CFAP46: variants seen among roughly 807,000 people sequenced by gnomAD.
CFAP46 encodes the protein cilia- and flagella-associated protein 46.
In CFAP46, 245 loss-of-function variants were observed where a neutral mutation model predicts 325.7. That is an observed-to-expected ratio of 0.75 (90% confidence interval 0.68 to 0.84). The LOEUF is 0.84. Ranked by LOEUF, CFAP46 falls within the 40% of genes least tolerant of loss-of-function variation. The pLI, the probability that CFAP46 is intolerant of heterozygous loss-of-function variation, is 0.00. For synonymous variants in CFAP46, 1,523 were observed against 1,495.9 expected, an observed-to-expected ratio of 1.02 and a Z score of -0.42; for missense variants, 3,346 against 3,543.0, an observed-to-expected ratio of 0.94 and a Z score of 1.41.
intron 29 of CFAP46, among the ~76,000 whole-genome samples, chr10:132,878,326 G>A (rs1053735107): frequency 2.6e-5 from 4 of 152,168 alleles, no homozygotes; most frequent in African/African-American, 4.8e-5. Flanking sequence ...TGCTGGCTCC[G>A]CGGGTGTCCC....
At position 132,937,697 on chromosome 10, in the gene CFAP46, C is replaced by T. The variant is rs757218738; in HGVS notation, c.537-22G>A. ...TTCCCTGGATAATAGAAACACACCA[C>T]TGGTCAACCTGGTTGAAACTGTTTT... On this transcript the variant is annotated intron_variant, in intron 5 of 57. Transcript: ENST00000368586. 16 of 1,581,196 alleles carry T rather than the reference C, an allele frequency of 1.0e-5. No individual in the cohort carries two copies. The South Asian group carries it at 1.6e-4, about 16-fold the overall frequency.
intron 38 of CFAP46, among the ~76,000 whole-genome samples, chr10:132,858,205 C>T (rs530074901): frequency 1.3e-5 from 2 of 152,244 alleles, no homozygotes; most frequent in African/African-American, 4.8e-5. Context: ...TGTCGAGACG[C>T]TTGCGTGTGG....
intron 31 of CFAP46, among the ~76,000 whole-genome samples, chr10:132,874,067 GA>G (rs1291138173): frequency 6.6e-6 from 1 of 152,164 alleles, no homozygotes; most frequent in African/African-American, 2.4e-5. Flanking sequence ...ATTTAAGGAT[GA>G]AATAACCACC....
chr10:132,917,062 C>T (rs543740286), intron 16 of CFAP46, among the ~76,000 whole-genome samples: 3 of 152,370 alleles, frequency 2.0e-5, no homozygotes, highest in South Asian at 2.1e-4. Flanking sequence ...CGCTGGCCTC[C>T]GGGGCGTGGA....
rs1307736866 is a variant in CFAP46 at position 132,889,217 on chromosome 10, C to T, written c.3304+3116G>A. Among the ~76,000 whole-genome samples the T allele has an allele frequency of 2.6e-5, 4 of 152,130 alleles. No homozygotes were observed. The highest frequency in any genetic ancestry group is 5.9e-5 in the Non-Finnish European group (4 of 68,034). ...CAGCAGGACCCGCCTCTGGTGCCAG[C>T]ACCTGGACCACCGAGGCTTACGTCA... On this transcript the variant is annotated intron_variant, in intron 25 of 57. Transcript: ENST00000368586. The surrounding 1 kb of genome is among the most constrained non-coding windows in gnomAD (Gnocchi z 6.0).
At chr10:132,907,740 C>T (rs1001723408) in intron 22 of CFAP46, among the ~76,000 whole-genome samples, 2 of 152,144 alleles carry the variant, frequency 1.3e-5, no homozygotes, top group African/African-American at 4.8e-5. Context: ...GTTGGGGTGG[C>T]CTTTGATGGC....
chr10:132,843,890 C>T lies in CFAP46; in HGVS notation c.6438+2167G>A, dbSNP rs147043054. Among the ~76,000 whole-genome samples, 829 of 129,636 alleles carry T rather than the reference C, an allele frequency of 6.4e-3. 18 individuals carry two copies. Among genetic ancestry groups the T allele is most frequent in the Non-Finnish European group, 0.01 (620 of 61,792 alleles). The allele number at this position is 129,636 out of a possible 152,430, so 85.0% of individuals were successfully genotyped here. On this transcript the variant is annotated intron_variant, in intron 44 of 57. Transcript: ENST00000368586. ...GGGCTCTGGTCTCGGTGGGTGTTCTCAGGGTGCTGTGGGGCTGCTCCTGGT... is the reference window on the plus strand; with the variant it reads ...GGGCTCTGGTCTCGGTGGGTGTTCTTAGGGTGCTGTGGGGCTGCTCCTGGT...
intron 5 of CFAP46, among the ~76,000 whole-genome samples, chr10:132,938,170 G>A (rs1181370643): frequency 1.3e-5 from 2 of 152,196 alleles, no homozygotes; most frequent in Non-Finnish European, 2.9e-5. Flanking sequence ...CAGCAAGGCC[G>A]GCCTGCCCTG....
intron 35 of CFAP46, among the ~76,000 whole-genome samples, chr10:132,864,171 C>CT (rs1848768381): frequency 1.4e-5 from 2 of 140,754 alleles, no homozygotes; most frequent in African/African-American, 2.7e-5. Context: ...ACACCTGTCC[C>CT]CAGTGCCTGA....
At chr10:132,826,111 G>C (rs71481959) in intron 50 of CFAP46, among the ~76,000 whole-genome samples, 1 of 58,370 alleles carries the variant, frequency 1.7e-5, no homozygotes, top group Non-Finnish European at 4.4e-5. Context: ...GACCAGCCAC[G>C]GAGCCAGGCA....
In CFAP46 at chr10:132,884,777, T is replaced by A. The variant is rs1449458116; in HGVS notation, c.3627+326A>T. On this transcript the variant is annotated intron_variant, in intron 27 of 57. Transcript: ENST00000368586. The surrounding 1 kb of genome is among the most constrained non-coding windows in gnomAD (Gnocchi z 5.4). Reference sequence around the variant, plus strand: ...GCTCTCCTCTGCAGCCACCCGCCCATCGGGGCCCTGGTGCCACCAGGGGAG... The same window carrying A: ...GCTCTCCTCTGCAGCCACCCGCCCAACGGGGCCCTGGTGCCACCAGGGGAG... 2.0e-5 allele frequency among the ~76,000 whole-genome samples: 3 copies of A among 151,876 alleles called. No homozygotes were observed. The highest frequency in any genetic ancestry group is 2.9e-5 in the Non-Finnish European group (2 of 67,908).
Position 132,869,390 on chromosome 10 carries a change from G to A in CFAP46, c.4512-18C>T, listed in dbSNP as rs1305762974. ...GGGCGAGGCTGTGGGGAGTGTGGCC[G>A]AAAGAGTCAGTGTTGCACGGGCGCA... is the stretch of plus-strand genomic sequence containing the variant. On this transcript the variant is annotated intron_variant, in intron 32 of 57. Coordinates refer to ENST00000368586, the MANE Select transcript of CFAP46 (RefSeq NM_001200049.3). The surrounding 1 kb of genome is among the most constrained non-coding windows in gnomAD (Gnocchi z 6.2). The A allele has an allele frequency of 1.1e-5, 16 of 1,511,850 alleles. No homozygotes were observed. The highest frequency in any genetic ancestry group is 5.0e-5 in the East Asian group (2 of 39,886). The allele number at this position is 1,511,850 out of a possible 1,614,324, so 93.7% of individuals were successfully genotyped here.
At chr10:132,851,826 C>T (rs999908348) in intron 39 of CFAP46, among the ~76,000 whole-genome samples, 11 of 138,976 alleles carry the variant, frequency 7.9e-5, no homozygotes, top group Admixed American at 3.8e-4. Flanking sequence ...AAGGTATCCA[C>T]AGATCCTGAT....
chr10:132,821,952 T>TGTGTGTGCTGTGTGTGTGCTG (rs1847850111), intron 50 of CFAP46, among the ~76,000 whole-genome samples: 3 of 103,202 alleles, frequency 2.9e-5, no homozygotes, highest in Non-Finnish European at 5.8e-5. Flanking sequence ...TGTGTGCGCT[T>TGTGTGTGCTGTGTGTGTGCTG]GTGTGTGCTG....
intron 39 of CFAP46, among the ~76,000 whole-genome samples, chr10:132,856,469 TC>T (rs1229570379): frequency 6.6e-6 from 1 of 152,252 alleles, no homozygotes; most frequent in African/African-American, 2.4e-5. Context: ...ACACCTATAT[TC>T]GTGCACTTAA....
At chr10:132,821,147 A>T (rs1179084676) in intron 50 of CFAP46, among the ~76,000 whole-genome samples, 309 of 27,426 alleles carry the variant, frequency 0.011, no homozygotes, top group Middle Eastern at 0.031. Flanking sequence ...GTGCTGTGTG[A>T]GTGCTGATGT....
intron 39 of CFAP46, among the ~76,000 whole-genome samples, chr10:132,855,455 G>A (rs1272851980): frequency 3.3e-5 from 5 of 152,046 alleles, no homozygotes; most frequent in Non-Finnish European, 5.9e-5. Context: ...CCATAGTTGG[G>A]TTTTGCTTTT....
chr10:132,816,695 G>A (rs983292513), intron 50 of CFAP46, among the ~76,000 whole-genome samples: 3 of 152,096 alleles, frequency 2.0e-5, no homozygotes, highest in Non-Finnish European at 4.4e-5. Flanking sequence ...CTATTCTGAC[G>A]TTGGCATTTA....
At chr10:132,935,548 C>T (rs199518532) in intron 7 of CFAP46, among the ~76,000 whole-genome samples, 240 of 128,860 alleles carry the variant, frequency 1.9e-3, no homozygotes, top group South Asian at 3.1e-3. Flanking sequence ...CCCCTCGGCA[C>T]CCAAACACAC....
Sources: gnomAD v4.1 joint callset for allele counts (sites outside exome capture counted in the v4.1 genomes callset) on GRCh38, gnomAD v4.1.1 for gene constraint, Gnocchi (gnomAD v3.1) non-coding constraint, MANE v1.5 for transcripts, NCBI Gene and HGNC (gene_info 2026-07-23, HGNC 2026-07-21) for gene names.